ABCB7: variants seen among roughly 807,000 people sequenced by gnomAD.
ABCB7 encodes ATP binding cassette subfamily B member 7.
ABCB7 carries 7 observed loss-of-function variants against 54.4 expected under a neutral mutation model. The ratio of observed to expected loss-of-function variants is 0.13; its 90% CI spans 0.07 to 0.24. ABCB7 has a LOEUF of 0.24. ABCB7 is among the 10% of genes least tolerant of loss of function. The pLI is 1.00. For synonymous variants in ABCB7, 218 were observed against 207.1 expected (o/e 1.05, Z -0.45); for missense variants, 356 against 570.4 (o/e 0.62, Z 3.83).
At chrX:75,138,223 T>TACACACAC (rs60844679) in intron 1 of ABCB7, among the ~76,000 whole-genome samples, 27 of 99,434 alleles carry the variant, frequency 2.7e-4, no homozygotes, top group African/African-American at 9.6e-4. Context: ...GCAACCCTCA[T>TACACACAC]ACACACACAC....
chrX:75,149,724 A>C (rs1602421175), intron 1 of ABCB7, among the ~76,000 whole-genome samples: 1 of 111,714 alleles, frequency 9.0e-6, no homozygotes, highest in African/African-American at 3.3e-5. Flanking sequence ...TTGTAGGAAA[A>C]AGTGTTGTAG....
At chrX:75,128,919 T>C (rs910393806) in intron 1 of ABCB7, among the ~76,000 whole-genome samples, 1 of 111,907 alleles carries the variant, frequency 8.9e-6, no homozygotes, top group Non-Finnish European at 1.9e-5. Context: ...CCAGTTAGAA[T>C]GGCGATCATT....
At position 75,071,590 on chromosome X, in the gene ABCB7, T is replaced by C. The variant is rs1489804489; in HGVS notation, c.1126A>G (p.Met376Val). 3 of 1,209,828 alleles carry C rather than the reference T, an allele frequency of 2.5e-6. No homozygotes were observed. In the South Asian group the frequency reaches 5.3e-5, roughly 21 times the overall value. Residue 376 changes from methionine to valine, a missense_variant, in exon 9 of 16, where the codon ATG becomes GTG. Met to Val is a conservative substitution (Grantham distance 21). Coordinates refer to ENST00000373394, the MANE Select transcript of ABCB7 (RefSeq NM_001271696.3). ...ASLKSTSTLAMLNFGQSAIFS... is the reference protein window; with the variant it reads ...ASLKSTSTLAVLNFGQSAIFS... ...ATAGCACTTTGACCAAAGTTCAGCA[T>C]AGCCAGAGTAGAGGTACTTTTCAAT... is the stretch of plus-strand genomic sequence containing the variant.
chrX:75,127,026 GA>G (rs1371227579), intron 1 of ABCB7, among the ~76,000 whole-genome samples: 1 of 110,265 alleles, frequency 9.1e-6, no homozygotes, highest in Non-Finnish European at 1.9e-5. Context: ...CCAAACAATG[GA>G]AAAAAAGGGA....
At chrX:75,126,346 T>C (rs891752154) in intron 1 of ABCB7, among the ~76,000 whole-genome samples, 1 of 111,801 alleles carries the variant, frequency 8.9e-6, no homozygotes, top group South Asian at 3.7e-4. Flanking sequence ...AGTAAGTTCT[T>C]TGAAACAAAT....
At chrX:75,060,843 G>A (rs943651811) in intron 14 of ABCB7, among the ~76,000 whole-genome samples, 6 of 111,511 alleles carry the variant, frequency 5.4e-5, no homozygotes, top group African/African-American at 2.0e-4. Context: ...ATTTTTAACT[G>A]CAGAAACCTC....
rs1339246560 is a variant in ABCB7, at chrX:75,114,837, G to A, written c.169-6C>T. ...CTTTTTAATGACTCTGGAATCTGCT[G>A]ACAAGGAAAAAAAGTAGGGGGAAGT... On this transcript the variant is annotated splice_polypyrimidine_tract_variant and splice_region_variant and intron_variant, in intron 1 of 15. Coordinates refer to ENST00000373394, the MANE Select transcript of ABCB7 (RefSeq NM_001271696.3). 5.0e-6 allele frequency: 6 copies of A among 1,190,652 alleles called. No homozygotes were observed. The highest frequency in any genetic ancestry group is 6.8e-6 in the Non-Finnish European group (6 of 880,807).
At chrX:75,088,826 A>G (rs2081521307) in intron 4 of ABCB7, among the ~76,000 whole-genome samples, 2 of 101,309 alleles carry the variant, frequency 2.0e-5, no homozygotes, top group South Asian at 9.9e-4. Flanking sequence ...CACCACGTAG[A>G]AAAAACAAAA....
At chrX:75,117,517 C>T (rs763959812) in intron 1 of ABCB7, among the ~76,000 whole-genome samples, 23 of 110,695 alleles carry the variant, frequency 2.1e-4, no homozygotes, top group South Asian at 4.0e-4. Context: ...ACCTTGGGTT[C>T]GAGGCCCAAC....
At chrX:75,076,325 C>T (rs1020384946) in intron 5 of ABCB7, among the ~76,000 whole-genome samples, 197 bp downstream of exon 5, 1 of 112,148 alleles carries the variant, frequency 8.9e-6, no homozygotes, top group African/African-American at 3.2e-5. Context: ...TGTAAAAATG[C>T]TACTGTTATC....
At chrX:75,057,161 C>T (rs959061985) in intron 15 of ABCB7, among the ~76,000 whole-genome samples, 8 of 111,598 alleles carry the variant, frequency 7.2e-5, no homozygotes, top group Non-Finnish European at 1.3e-4. Context: ...TTCTCTTTTC[C>T]GTATCTCTTC....
intron 2 of ABCB7, among the ~76,000 whole-genome samples, chrX:75,113,782 C>A (rs1453124426): frequency 9.0e-6 from 1 of 111,730 alleles, no homozygotes; most frequent in Non-Finnish European, 1.9e-5. Context: ...AATGGAGTTA[C>A]AAAAAGCAAA....
chrX:75,097,490 T>A (rs1181567865), intron 4 of ABCB7: 7 of 112,052 alleles, frequency 6.2e-5, no homozygotes, highest in African/African-American at 2.3e-4. Flanking sequence ...GCTTGCCTTA[T>A]CCCATATGGT....
intron 1 of ABCB7, among the ~76,000 whole-genome samples, chrX:75,121,244 G>A (rs1010567173): frequency 9.5e-6 from 1 of 105,530 alleles, no homozygotes; most frequent in African/African-American, 3.5e-5. Context: ...AGCCAAGATC[G>A]TGCCACTGCA....
chrX:75,069,496 T>TAG, intron 10 of ABCB7, 42 bp from the exon 11 acceptor site: 1 of 1,152,608 alleles, frequency 8.7e-7, no homozygotes, highest in Non-Finnish European at 1.2e-6. Context: ...ACGCACTGCC[T>TAG]AGAGTACAGC....
At chrX:75,073,446 C>T (rs760965617) in intron 8 of ABCB7, among the ~76,000 whole-genome samples, 1 of 111,460 alleles carries the variant, frequency 9.0e-6, no homozygotes, top group East Asian at 2.8e-4. Flanking sequence ...TTATACAGTG[C>T]ATGACTGTAT....
intron 1 of ABCB7, among the ~76,000 whole-genome samples, chrX:75,117,572 C>A: frequency 9.0e-6 from 1 of 110,780 alleles, no homozygotes; most frequent in Non-Finnish European, 1.9e-5. Context: ...GGTTAGAGGC[C>A]CCTTTCAGTA....
chrX:75,085,898 G>A (rs1039566152), intron 4 of ABCB7, among the ~76,000 whole-genome samples: 5 of 109,431 alleles, frequency 4.6e-5, no homozygotes, highest in African/African-American at 1.3e-4. Flanking sequence ...CTAGGCTGGA[G>A]TGCAGTGGCA....
chrX:75,086,488 C>G (rs892189475), intron 4 of ABCB7, among the ~76,000 whole-genome samples: 6 of 111,839 alleles, frequency 5.4e-5, no homozygotes, highest in Non-Finnish European at 1.1e-4. Context: ...TTCTTTCAGA[C>G]TTTTTAATAT....
Sources: allele counts gnomAD v4.1 joint callset (sites outside exome capture counted in the v4.1 genomes callset), GRCh38; gene constraint gnomAD v4.1.1; transcripts MANE v1.5; gene names NCBI Gene and HGNC (gene_info 2026-07-23, HGNC 2026-07-21).